Variants in SCN10A observed in about 807,000 individuals in gnomAD.
SCN10A encodes sodium voltage-gated channel alpha subunit 10.
A neutral mutation model predicts 170.7 loss-of-function variants in SCN10A; 162 were observed. The observed-to-expected ratio is 0.95, with a 90% CI of 0.84 to 1.08. The LOEUF (loss-of-function observed/expected upper bound fraction) is 1.08, where lower values mean the gene tolerates loss of function less well. Among genes scored for constraint, SCN10A ranks in the 50% least tolerant of loss-of-function variants. The pLI is 0.00. For missense variants in SCN10A, 2,527 were observed against 2,436.9 expected (o/e 1.04, Z -0.78); for synonymous variants, 985 against 904.6 (o/e 1.09, Z -1.59).
intron 11 of SCN10A, 126 bp from the exon 12 acceptor site, chr3:38,752,638 T>TA: frequency 2.9e-6 from 2 of 689,312 alleles, no homozygotes; most frequent in Non-Finnish European, 2.2e-6. Flanking sequence ...AGTCACTAAG[T>TA]AAAGGCACAA....
chr3:38,709,674 T>G lies in SCN10A; in HGVS notation c.4144-59A>C, dbSNP rs2063251194. 2.1e-6 allele frequency: 3 copies of G among 1,458,684 alleles called. No homozygotes were observed. In the South Asian group the frequency reaches 4.6e-5, roughly 22 times the overall value. 90.4% of individuals were successfully genotyped at this position (1,458,684 alleles called of 1,614,324 possible). A position where few individuals can be genotyped will look rare whatever the true frequency, so the allele number is the denominator to read the frequency against. On this transcript the variant is annotated intron_variant, in intron 24 of 27. Transcript: ENST00000449082. ...TGGGTGTCTTAGTTCAGGTTCACTC[T>G]GAAAGCCAAGCCTAAGACATGGACC...
At chr3:38,722,992 T>C (rs1036582742) in intron 19 of SCN10A, among the ~76,000 whole-genome samples, 1 of 152,204 alleles carries the variant, frequency 6.6e-6, no homozygotes, top group South Asian at 2.1e-4. Context: ...TTCTAAACAC[T>C]GAGAGGAAAG....
At position 38,725,308 on chromosome 3, in the gene SCN10A, G is replaced by T. The variant is rs371331011; in HGVS notation, c.3094C>A (p.Gln1032Lys). ...CCACACCTCTCGACTTGCTGCAGCTGCTCCTGCTAGTGAGAGAGGGTCCCA... is the reference window on the plus strand; with the variant it reads ...CCACACCTCTCGACTTGCTGCAGCTTCTCCTGCTAGTGAGAGAGGGTCCCA... The part of the protein sequence containing the change: ...QEVIPKGQQE[Q>K]LQQVERCGDH... The change falls in exon 18 of 28, where the codon CAG becomes AAG. Residue 1032 changes from glutamine (Q) to lysine (K), a missense_variant. Gln to Lys is a moderately conservative substitution (Grantham distance 53, BLOSUM62 1). Coordinates refer to ENST00000449082, the MANE Select transcript of SCN10A (RefSeq NM_006514.4). 6.3e-7 allele frequency: 1 copy of T among 1,576,762 alleles called. No individual in the cohort carries two copies. The highest frequency in any genetic ancestry group is 8.7e-7 in the Non-Finnish European group (1 of 1,151,490).
At chr3:38,720,049 A>G (rs770767590) in intron 20 of SCN10A, among the ~76,000 whole-genome samples, 4 of 152,218 alleles carry the variant, frequency 2.6e-5, no homozygotes, top group Non-Finnish European at 5.9e-5. Flanking sequence ...TCTTTGCCTC[A>G]AGGTGGGACA....
chr3:38,699,130 G>A (rs766263293), intron 27 of SCN10A, among the ~76,000 whole-genome samples: 3 of 151,902 alleles, frequency 2.0e-5, no homozygotes, highest in East Asian at 1.9e-4. Flanking sequence ...CTGAGGATTC[G>A]GGCAACTGGC....
intron 3 of SCN10A, 149 bp downstream of exon 3, chr3:38,791,901 C>G: frequency 1.9e-6 from 2 of 1,048,516 alleles, no homozygotes; most frequent in Non-Finnish European, 2.8e-6. Context: ...ACATTAAAGG[C>G]CCAAGCCATT....
intron 23 of SCN10A, 109 bp downstream of exon 23, chr3:38,712,052 G>T: frequency 9.5e-7 from 1 of 1,053,264 alleles, no homozygotes; most frequent in East Asian, 2.4e-5. Context: ...AGTTCACACT[G>T]AGTGCTACTC....
intron 4 of SCN10A, among the ~76,000 whole-genome samples, chr3:38,775,082 A>G (rs1347647649): frequency 6.6e-6 from 1 of 152,230 alleles, no homozygotes; most frequent in African/African-American, 2.4e-5. Flanking sequence ...TTTTGGTAAA[A>G]TATGCATAAT....
At chr3:38,799,731 TA>T (rs113522324) in intron 1 of SCN10A, among the ~76,000 whole-genome samples, 24 of 152,212 alleles carry the variant, frequency 1.6e-4, no homozygotes, top group South Asian at 4.1e-4. Context: ...AGTTTTTCTT[TA>T]AAAAAATCAT....
rs749342215 is a variant in SCN10A at position 38,727,060 on chromosome 3, G to T, written c.2641-8C>A. ...GATGAACAGGTTAAGCACCTGAAGA[G>T]AAGGAATGGAAGGGAAGATTGATCA... On this transcript the variant is annotated splice_region_variant and splice_polypyrimidine_tract_variant and intron_variant, in intron 16 of 27. Coordinates refer to ENST00000449082, the MANE Select transcript of SCN10A (RefSeq NM_006514.4). The T allele has an allele frequency of 1.9e-6, 3 of 1,594,552 alleles. No homozygotes were observed. The Admixed American group carries it at 5.0e-5, about 27-fold the overall frequency.
intron 8 of SCN10A, among the ~76,000 whole-genome samples, chr3:38,759,769 AC>A (rs2063848175): frequency 1.3e-5 from 2 of 152,236 alleles, no homozygotes; most frequent in Admixed American, 1.3e-4. Flanking sequence ...CCACATTTCC[AC>A]ATGGCAACCA....
chr3:38,744,852 C>T (rs2063670697), intron 13 of SCN10A, among the ~76,000 whole-genome samples: 1 of 152,110 alleles, frequency 6.6e-6, no homozygotes, highest in South Asian at 2.1e-4. Flanking sequence ...ATACACATGT[C>T]CATTTCTCTT....
chr3:38,719,684 C>T lies in SCN10A; in HGVS notation c.3508-858G>A, dbSNP rs555436937. 6.6e-5 allele frequency among the ~76,000 whole-genome samples: 10 copies of T among 152,236 alleles called. 1 individual carries two copies. The East Asian group carries it at 9.7e-4, about 15-fold the overall frequency. The stretch of plus-strand genomic sequence containing the variant: ...CTGGGATTACAGGCGTGAGCCACCG[C>T]GCCCGGCCACTCTTACAAGTGACTG... On this transcript the variant is annotated intron_variant, in intron 20 of 27. Transcript: ENST00000449082.
chr3:38,773,653 T>C (rs1322508344), intron 4 of SCN10A, among the ~76,000 whole-genome samples: 1 of 152,132 alleles, frequency 6.6e-6, no homozygotes, highest in Non-Finnish European at 1.5e-5. Context: ...AAAAACATTG[T>C]GCAAAAAGGA....
At chr3:38,803,959 G>T (rs1218167096) in intron 1 of SCN10A, among the ~76,000 whole-genome samples, 4 of 152,068 alleles carry the variant, frequency 2.6e-5, no homozygotes, top group African/African-American at 9.7e-5. Flanking sequence ...CATTGCTGCT[G>T]CCACAGTCCA....
At position 38,716,719 on chromosome 3, in the gene SCN10A, G is replaced by T. The variant is rs145051453; in HGVS notation, c.3681+1934C>A. 3.1e-3 allele frequency among the ~76,000 whole-genome samples: 479 copies of T among 152,324 alleles called. 4 individuals carry two copies. The highest frequency in any genetic ancestry group is 0.011 in the African/African-American group (450 of 41,568). On this transcript the variant is annotated intron_variant, in intron 21 of 27. Coordinates refer to ENST00000449082, the MANE Select transcript of SCN10A (RefSeq NM_006514.4). ...GGGAGAAACAAACAAGAAAGGAAAAGTATGAAAGCAGGGAATAGTGAATGG... is the reference window on the plus strand; with the variant it reads ...GGGAGAAACAAACAAGAAAGGAAAATTATGAAAGCAGGGAATAGTGAATGG...
Position 38,702,392 on chromosome 3 carries a change from C to T in SCN10A, c.4387-283G>A, listed in dbSNP as rs145334310. ...AATGCCCTCCTATCTCCTCTCTTGG[C>T]TGTCTAAATTCCAACAGTCTTGAGT... is the stretch of plus-strand genomic sequence containing the variant. On this transcript the variant is annotated intron_variant, in intron 26 of 27. Coordinates refer to ENST00000449082, the MANE Select transcript of SCN10A (RefSeq NM_006514.4). Among the ~76,000 whole-genome samples the T allele has an allele frequency of 1.8e-4, 28 of 152,354 alleles. 1 individual carries two copies. The highest frequency in any genetic ancestry group is 6.5e-4 in the African/African-American group (27 of 41,588).
At chr3:38,704,144 C>T (rs1164239738) in intron 26 of SCN10A, among the ~76,000 whole-genome samples, 3 of 152,170 alleles carry the variant, frequency 2.0e-5, no homozygotes, top group African/African-American at 7.2e-5. Context: ...GGGAGCTGCA[C>T]AGCAAGCAGA....
intron 1 of SCN10A, among the ~76,000 whole-genome samples, chr3:38,808,543 A>T (rs1193809371): frequency 6.6e-6 from 1 of 152,198 alleles, no homozygotes; most frequent in African/African-American, 2.4e-5. Context: ...TGACACATGT[A>T]AGTGTTTGAT....
Sources: allele counts gnomAD v4.1 joint callset (sites outside exome capture counted in the v4.1 genomes callset), GRCh38; gene constraint gnomAD v4.1.1; transcripts MANE v1.5; gene names NCBI Gene and HGNC (gene_info 2026-07-23, HGNC 2026-07-21).